The following GLIS3 variants were observed in gnomAD, a reference collection of about 807,000 sequenced individuals.
GLIS3 encodes zinc finger protein GLIS3.
In GLIS3, 53 loss-of-function variants were observed where a neutral mutation model predicts 78.6. The observed-to-expected ratio is 0.67, with a 90% CI of 0.54 to 0.85. The LOEUF is 0.85. Among genes scored for constraint, GLIS3 ranks in the 40% least tolerant of loss-of-function variants. The probability of loss-of-function intolerance (pLI) is 0.00; values close to 1 mark genes in which losing one functional copy is unlikely to be tolerated. For synonymous variants in GLIS3, 684 were observed against 509.9 expected, an observed-to-expected ratio of 1.34 and a Z score of -4.60; for missense variants, 1,703 against 1,231.1, an observed-to-expected ratio of 1.38 and a Z score of -5.74.
intron 2 of GLIS3, among the ~76,000 whole-genome samples, chr9:4,333,671 C>T (rs1483094787): frequency 6.6e-6 from 1 of 152,076 alleles, no homozygotes; most frequent in East Asian, 1.9e-4. Context: ...TCAAATAATG[C>T]TATTAGCTTC....
At chr9:4,240,039 T>C (rs143619799) in intron 2 of GLIS3, among the ~76,000 whole-genome samples, 3 of 152,314 alleles carry the variant, frequency 2.0e-5, no homozygotes, top group African/African-American at 7.2e-5. Context: ...TTTTTTCAGT[T>C]CCAACTGAAG....
intron 2 of GLIS3, among the ~76,000 whole-genome samples, chr9:4,148,245 G>C (rs1834378171): frequency 6.6e-6 from 1 of 151,928 alleles, no homozygotes; most frequent in African/African-American, 2.4e-5. Flanking sequence ...ATGAGATCTG[G>C]CTACATCGGT....
intron 4 of GLIS3, among the ~76,000 whole-genome samples, chr9:3,978,523 A>G (rs1481475325): frequency 6.6e-6 from 1 of 152,130 alleles, no homozygotes; most frequent in African/African-American, 2.4e-5. Flanking sequence ...TAACAATTAT[A>G]TACTATTGCA....
chr9:4,354,127 C>T, the GLIS3 span, among the ~76,000 whole-genome samples: 2 of 151,964 alleles, frequency 1.3e-5, no homozygotes, highest in Non-Finnish European at 2.9e-5. Context: ...TGAGCCACCA[C>T]GCCCGGCCAA....
At chr9:4,190,565 C>G (rs939340395) in intron 2 of GLIS3, among the ~76,000 whole-genome samples, 3 of 147,080 alleles carry the variant, frequency 2.0e-5, no homozygotes, top group African/African-American at 7.3e-5. Context: ...ATTGGTGTAC[C>G]TGAAAGTGAC....
chr9:4,093,187 G>A (rs1437326823), intron 4 of GLIS3, among the ~76,000 whole-genome samples: 1 of 152,048 alleles, frequency 6.6e-6, no homozygotes, highest in Non-Finnish European at 1.5e-5. Flanking sequence ...GCCTGTAAGT[G>A]GCAGAGTCAT....
At chr9:4,166,827 G>C (rs937654814) in intron 2 of GLIS3, among the ~76,000 whole-genome samples, 1 of 152,234 alleles carries the variant, frequency 6.6e-6, no homozygotes, top group Non-Finnish European at 1.5e-5. Flanking sequence ...TAAGAGGGCA[G>C]ATGGTAAGAT....
rs369979081 is a variant in GLIS3 at position 4,030,099 on chromosome 9, C to T, written c.1710+87669G>A. 2.6e-5 allele frequency among the ~76,000 whole-genome samples: 4 copies of T among 152,272 alleles called. No homozygotes were observed. The South Asian group carries it at 8.3e-4, about 32-fold the overall frequency. ...AGGGCCCTTTTTCTCCACATCCTCA[C>T]TAGAATTTGTTATTGCCTGTCTTTT... is the stretch of plus-strand genomic sequence containing the variant. On this transcript the variant is annotated intron_variant, in intron 4 of 10. Coordinates refer to ENST00000381971, the MANE Select transcript of GLIS3 (RefSeq NM_001042413.2).
intron 4 of GLIS3, chr9:4,034,948 A>G (rs1387302311): frequency 6.6e-6 from 1 of 152,104 alleles, no homozygotes; most frequent in Non-Finnish European, 1.5e-5. Context: ...TAGTAGCAGG[A>G]GGGTGCCTGA....
intron 2 of GLIS3, among the ~76,000 whole-genome samples, chr9:4,141,596 T>C (rs1243996464): frequency 2.0e-5 from 3 of 152,180 alleles, no homozygotes; most frequent in African/African-American, 2.4e-5. Context: ...TTCCCACTAA[T>C]GAGTAAGATG....
At chr9:3,974,632 G>C (rs1250229121) in intron 4 of GLIS3, among the ~76,000 whole-genome samples, 1 of 152,124 alleles carries the variant, frequency 6.6e-6, no homozygotes, top group Non-Finnish European at 1.5e-5. Context: ...AGTACATGGG[G>C]AATATACAAT....
At chr9:4,189,310 G>C (rs779957927) in intron 2 of GLIS3, among the ~76,000 whole-genome samples, 1 of 152,168 alleles carries the variant, frequency 6.6e-6, no homozygotes, top group East Asian at 1.9e-4. Flanking sequence ...GAGCGGTTTT[G>C]AGTGAGTTTC....
the GLIS3 span, among the ~76,000 whole-genome samples, chr9:4,388,764 G>A: frequency 1.3e-5 from 2 of 152,140 alleles, no homozygotes; most frequent in East Asian, 3.9e-4. Flanking sequence ...TAACATATAT[G>A]TAATTGAAGT....
At chr9:4,341,698 A>G (rs1209912718) in intron 2 of GLIS3, among the ~76,000 whole-genome samples, 1 of 152,224 alleles carries the variant, frequency 6.6e-6, no homozygotes, top group East Asian at 1.9e-4. Flanking sequence ...AGCTCTGATA[A>G]CTGTGCCCAG....
the GLIS3 span, among the ~76,000 whole-genome samples, chr9:4,353,798 C>T: frequency 1.3e-5 from 2 of 152,054 alleles, no homozygotes; most frequent in Non-Finnish European, 2.9e-5. Context: ...GAACTTAATT[C>T]GGTGCCTGTA....
chr9:4,283,261 G>GTTTTTTTT (rs369306104), intron 2 of GLIS3, among the ~76,000 whole-genome samples: 2 of 76,416 alleles, frequency 2.6e-5, no homozygotes, highest in African/African-American at 1.6e-4. Context: ...CTGTTTTTTT[G>GTTTTTTTT]TTTTTTTGTT....
the GLIS3 span, among the ~76,000 whole-genome samples, chr9:4,387,562 T>G: frequency 6.6e-6 from 1 of 152,208 alleles, no homozygotes; most frequent in Non-Finnish European, 1.5e-5. Context: ...AGGGAGACTA[T>G]TACTATGACT....
At chr9:4,161,675 CTT>C (rs55904647) in intron 2 of GLIS3, among the ~76,000 whole-genome samples, 4 of 114,192 alleles carry the variant, frequency 3.5e-5, no homozygotes, top group African/African-American at 3.5e-5. Flanking sequence ...TGCTAGAAGT[CTT>C]TTTTTTTTTT....
chr9:4,367,779 GA>G, the GLIS3 span, among the ~76,000 whole-genome samples: 1 of 151,538 alleles, frequency 6.6e-6, no homozygotes, highest in East Asian at 1.9e-4. Context: ...TTCTAGAATG[GA>G]AAAAAAAGAA....
Sources: allele counts gnomAD v4.1 joint callset (sites outside exome capture counted in the v4.1 genomes callset), GRCh38; gene constraint gnomAD v4.1.1; transcripts MANE v1.5; gene names NCBI Gene and HGNC (gene_info 2026-07-23, HGNC 2026-07-21).